MRPS28: variants seen among roughly 807,000 people sequenced by gnomAD.
MRPS28 encodes small ribosomal subunit protein bS1m.
In MRPS28, 7 loss-of-function variants were observed where a neutral mutation model predicts 10.8. That is an observed-to-expected ratio of 0.65 (90% CI 0.37 to 1.22). The LOEUF (loss-of-function observed/expected upper bound fraction) is 1.22, where lower values mean the gene tolerates loss of function less well. MRPS28 is among the 50% of genes most tolerant of loss of function. The pLI, the probability that MRPS28 is intolerant of heterozygous loss-of-function variation, is 0.02. For missense variants in MRPS28, 265 were observed against 232.9 expected, an observed-to-expected ratio of 1.14 and a Z score of -0.90; for synonymous variants, 121 against 93.3, an observed-to-expected ratio of 1.30 and a Z score of -1.71.
chr8:79,924,379 A>G (rs1485809423), intron 2 of MRPS28, among the ~76,000 whole-genome samples: 2 of 152,170 alleles, frequency 1.3e-5, no homozygotes, highest in African/African-American at 4.8e-5. Flanking sequence ...TCTAATTCAT[A>G]CAAATGCTCA....
intron 2 of MRPS28, among the ~76,000 whole-genome samples, chr8:79,956,059 G>C (rs969096475): frequency 6.6e-6 from 1 of 152,038 alleles, no homozygotes; most frequent in Non-Finnish European, 1.5e-5. Context: ...AAAATGAAAG[G>C]CTGGACTGAA....
intron 2 of MRPS28, among the ~76,000 whole-genome samples, chr8:79,944,947 C>T (rs892731357): frequency 4.6e-5 from 7 of 151,866 alleles, no homozygotes; most frequent in East Asian, 3.9e-4. Flanking sequence ...TGTCCACCTC[C>T]GCCTCCCAAA....
At chr8:80,001,645 ATTTC>A (rs999483442) in intron 2 of MRPS28, among the ~76,000 whole-genome samples, 1 of 152,224 alleles carries the variant, frequency 6.6e-6, no homozygotes, top group Non-Finnish European at 1.5e-5. Context: ...CTACTTAGAA[ATTTC>A]TTTGAGTCTC....
intron 2 of MRPS28, among the ~76,000 whole-genome samples, chr8:79,951,196 C>T (rs140872262): frequency 1.6e-4 from 25 of 152,276 alleles, no homozygotes; most frequent in Admixed American, 1.0e-3. Context: ...TGAAGTAGGA[C>T]GGGACAATGG....
intron 1 of MRPS28, among the ~76,000 whole-genome samples, chr8:80,025,105 T>C (rs1477252159): frequency 6.6e-6 from 1 of 152,192 alleles, no homozygotes. Flanking sequence ...AAATCTTACA[T>C]ACAATCCCAA....
chr8:79,959,809 G>A (rs6985062), intron 2 of MRPS28, among the ~76,000 whole-genome samples: 115,045 of 152,068 alleles, frequency 0.76, 43,681 homozygotes, highest in East Asian at 0.86. Context: ...CAGTATATAT[G>A]TTTAAAAAAC....
intron 2 of MRPS28, among the ~76,000 whole-genome samples, chr8:79,922,858 TA>T (rs1810131024): frequency 6.6e-6 from 1 of 151,920 alleles, no homozygotes; most frequent in Admixed American, 6.6e-5. Context: ...ATTTTAAAAT[TA>T]AAATAACTTT....
At chr8:79,976,062 A>G (rs1195866541) in intron 2 of MRPS28, among the ~76,000 whole-genome samples, 1 of 151,976 alleles carries the variant, frequency 6.6e-6, no homozygotes, top group Non-Finnish European at 1.5e-5. Context: ...AAATACTGGC[A>G]GATTTCTGTT....
rs759049124 is a variant in MRPS28, at chr8:80,028,967, AAAAC to A, written c.213+1065_213+1068del. Among the ~76,000 whole-genome samples, 156 of 152,252 alleles carry A rather than the reference AAAAC, an allele frequency of 1.0e-3. 1 individual carries two copies. The highest frequency in any genetic ancestry group is 1.8e-3 in the Non-Finnish European group (124 of 68,022). On this transcript the variant is annotated intron_variant, in intron 1 of 2. Transcript: ENST00000276585. ...GCGAGACCCTGTCTCAAAAAACAAC[AAAAC>A]AAACAAAAAAATCCAAAAAACAAAA...
At chr8:80,009,926 C>T (rs981504728) in intron 1 of MRPS28, among the ~76,000 whole-genome samples, 4 of 152,162 alleles carry the variant, frequency 2.6e-5, no homozygotes, top group African/African-American at 4.8e-5. Context: ...AAGATAAAAA[C>T]AATTAAGAGC....
chr8:80,030,109 GTC>G lies in MRPS28; in HGVS notation c.138_139del (p.Lys46AsnfsTer52). On this transcript the variant is annotated frameshift_variant, in exon 1 of 3. Coordinates refer to ENST00000276585, the MANE Select transcript of MRPS28 (RefSeq NM_014018.3). LOFTEE classifies it high-confidence loss of function. ...CGCGCTCGCGAAACCGCCTGCGCGC[GTC>G]TTAGGCTCCTTGGCATTGGAACTAC... 6.2e-7 allele frequency: 1 copy of G among 1,611,986 alleles called. No individual in the cohort carries two copies. Among genetic ancestry groups the G allele is most frequent in the Non-Finnish European group, 8.5e-7 (1 of 1,179,950 alleles).
intron 2 of MRPS28, among the ~76,000 whole-genome samples, chr8:79,996,511 C>T (rs1307017492): frequency 6.6e-6 from 1 of 152,190 alleles, no homozygotes; most frequent in East Asian, 1.9e-4. Context: ...TCATGAAGAC[C>T]TGGTTCTGGT....
chr8:79,969,125 A>G (rs1807569721), intron 2 of MRPS28, among the ~76,000 whole-genome samples: 1 of 152,232 alleles, frequency 6.6e-6, no homozygotes, highest in Non-Finnish European at 1.5e-5. Flanking sequence ...CAAGTCTATT[A>G]TATTAAGCCA....
At chr8:79,920,189 A>C (rs1427939320) in intron 2 of MRPS28, among the ~76,000 whole-genome samples, 2 of 151,972 alleles carry the variant, frequency 1.3e-5, no homozygotes, top group African/African-American at 4.8e-5. Context: ...CTAGTCTATC[A>C]TTGTTGGACA....
At chr8:80,002,966 A>G (rs1808703496) in intron 2 of MRPS28, 33 bp downstream of exon 2, 2 of 1,445,608 alleles carry the variant, frequency 1.4e-6, no homozygotes, top group South Asian at 1.6e-5. Context: ...TTTTATGAAT[A>G]CTCTTAAGGT....
intron 1 of MRPS28, among the ~76,000 whole-genome samples, chr8:80,008,169 G>A (rs1489701616): frequency 6.6e-6 from 1 of 152,172 alleles, no homozygotes; most frequent in Non-Finnish European, 1.5e-5. Flanking sequence ...ACAAGAAATG[G>A]GGAAAGGATT....
At chr8:79,964,379 A>G (rs1265433554) in intron 2 of MRPS28, among the ~76,000 whole-genome samples, 1 of 152,182 alleles carries the variant, frequency 6.6e-6, no homozygotes, top group Non-Finnish European at 1.5e-5. Context: ...AGCGGAGACT[A>G]TAAACAGACA....
chr8:79,993,738 G>A (rs1808424588), intron 2 of MRPS28, among the ~76,000 whole-genome samples: 1 of 152,050 alleles, frequency 6.6e-6, no homozygotes, highest in Non-Finnish European at 1.5e-5. Context: ...CTTTTTTAAT[G>A]TGTTCCATGT....
At chr8:80,004,333 T>A (rs1808761283) in intron 1 of MRPS28, among the ~76,000 whole-genome samples, 11 of 152,226 alleles carry the variant, frequency 7.2e-5, no homozygotes. Context: ...TTCATCAGTA[T>A]TCGCTGTTCC....
Sources: gnomAD v4.1 joint callset for allele counts (sites outside exome capture counted in the v4.1 genomes callset) on GRCh38, gnomAD v4.1.1 for gene constraint, MANE v1.5 for transcripts, NCBI Gene and HGNC (gene_info 2026-07-23, HGNC 2026-07-21) for gene names.